NMNAT3: variants seen among roughly 807,000 people sequenced by gnomAD.
The protein encoded by NMNAT3 is nicotinamide nucleotide adenylyltransferase 3.
In NMNAT3, 21 loss-of-function variants were observed where a neutral mutation model predicts 24.8. That is an observed-to-expected ratio of 0.85 (90% CI 0.60 to 1.22). NMNAT3 has a LOEUF of 1.22. NMNAT3 is among the 50% of genes most tolerant of loss of function. The probability of loss-of-function intolerance (pLI) is 0.00; values close to 1 mark genes in which losing one functional copy is unlikely to be tolerated. For synonymous variants in NMNAT3, 136 were observed against 155.2 expected, an observed-to-expected ratio of 0.88 and a Z score of 0.92; for missense variants, 387 against 436.6, an observed-to-expected ratio of 0.89 and a Z score of 1.01.
At position 139,582,268 on chromosome 3, in the gene NMNAT3, G is replaced by T. The variant is rs925694085; in HGVS notation, c.391+659C>A. Among the ~76,000 whole-genome samples, 120 of 149,438 alleles carry T rather than the reference G, an allele frequency of 8.0e-4. 1 individual carries two copies. The highest frequency in any genetic ancestry group is 1.3e-3 in the Non-Finnish European group (89 of 67,444). ...ACAAAAGAGAAGATCTAACTTCTTA[G>T]TAAATGTGTTCACCATTGGGGTGTT... On this transcript the variant is annotated intron_variant, in intron 4 of 6. Coordinates refer to ENST00000643695, the MANE Select transcript of NMNAT3 (RefSeq NM_001320510.2).
chr3:139,629,238 C>T (rs2056186944), intron 2 of NMNAT3, among the ~76,000 whole-genome samples: 1 of 152,128 alleles, frequency 6.6e-6, no homozygotes, highest in Non-Finnish European at 1.5e-5. Context: ...TGCCCATGGG[C>T]CCAGGAAGTG....
At chr3:139,561,418 A>G in intron 6 of NMNAT3, 26 bp from the exon 7 acceptor site, 1 of 1,599,348 alleles carries the variant, frequency 6.3e-7, no homozygotes, top group South Asian at 1.1e-5. Flanking sequence ...TGGACCCAGT[A>G]AAGTTAGAGA....
At chr3:139,610,968 T>A (rs1269151495) in intron 3 of NMNAT3, among the ~76,000 whole-genome samples, 1 of 152,322 alleles carries the variant, frequency 6.6e-6, no homozygotes, top group African/African-American at 2.4e-5. Flanking sequence ...TGCAAGTCAC[T>A]GAGAGGAAAA....
intron 3 of NMNAT3, among the ~76,000 whole-genome samples, chr3:139,613,214 A>C (rs1218196869): frequency 1.3e-5 from 2 of 152,236 alleles, no homozygotes; most frequent in Non-Finnish European, 2.9e-5. Context: ...AGAATGGGAT[A>C]AAATTTTTGC....
chr3:139,620,720 C>CT (rs932857099), intron 3 of NMNAT3, among the ~76,000 whole-genome samples: 104 of 147,894 alleles, frequency 7.0e-4, no homozygotes, highest in Non-Finnish European at 1.2e-3. Flanking sequence ...ACACATTTAA[C>CT]TTTTTTTTTT....
At chr3:139,677,553 G>A (rs1323488747) in intron 1 of NMNAT3, among the ~76,000 whole-genome samples, 152 bp downstream of exon 1, 1 of 152,196 alleles carries the variant, frequency 6.6e-6, no homozygotes, top group African/African-American at 2.4e-5. Context: ...CCCCCGGTTC[G>A]CGCCACCCCG....
intron 1 of NMNAT3, among the ~76,000 whole-genome samples, chr3:139,671,580 C>A (rs2057757299): frequency 6.6e-6 from 1 of 151,746 alleles, no homozygotes; most frequent in Non-Finnish European, 1.5e-5. Flanking sequence ...CAAAACACAA[C>A]ATGAGTAACA....
chr3:139,639,504 G>A (rs6439873), intron 1 of NMNAT3, among the ~76,000 whole-genome samples: 14,113 of 152,146 alleles, frequency 0.093, 1,093 homozygotes, highest in East Asian at 0.23. Flanking sequence ...TCCTTCTTTG[G>A]AGCAAAAGAC....
rs2056114720 is a variant in NMNAT3 at position 139,627,658 on chromosome 3, G to A, written c.67C>T (p.Leu23=). ...TCTCTGGCCACCTCAAACATGCGCA[G>A]GTGCATGTTGGTGATGGGGTTAAAG... The change falls in exon 3 of 7, where the codon CTG becomes TTG. Residue 23 remains leucine, a synonymous_variant. Coordinates refer to ENST00000643695, the MANE Select transcript of NMNAT3 (RefSeq NM_001320510.2). 1 of 1,595,626 alleles carries A rather than the reference G, an allele frequency of 6.3e-7. No homozygotes were observed. Among genetic ancestry groups the A allele is most frequent in the Non-Finnish European group, 8.5e-7 (1 of 1,178,162 alleles).
intron 3 of NMNAT3, among the ~76,000 whole-genome samples, chr3:139,619,980 CA>C (rs2055686724): frequency 6.6e-6 from 1 of 152,094 alleles, no homozygotes; most frequent in Non-Finnish European, 1.5e-5. Flanking sequence ...AATATCCAGC[CA>C]GTCTTCAAAT....
intron 3 of NMNAT3, among the ~76,000 whole-genome samples, chr3:139,615,355 C>G (rs2055435083): frequency 6.6e-6 from 1 of 152,114 alleles, no homozygotes; most frequent in Admixed American, 6.6e-5. Flanking sequence ...TTTCTAGGCT[C>G]TCTCAGCAGA....
intron 3 of NMNAT3, among the ~76,000 whole-genome samples, chr3:139,593,142 A>G (rs2054279712): frequency 1.3e-5 from 2 of 152,166 alleles, no homozygotes; most frequent in African/African-American, 2.4e-5. Flanking sequence ...AAGCAAATGG[A>G]AAACAAAAAA....
chr3:139,666,605 T>G (rs1449105595), intron 1 of NMNAT3, among the ~76,000 whole-genome samples: 2 of 152,214 alleles, frequency 1.3e-5, no homozygotes, highest in Non-Finnish European at 2.9e-5. Flanking sequence ...CCAAATCTCC[T>G]CTTCCTGCAA....
intron 6 of NMNAT3, among the ~76,000 whole-genome samples, chr3:139,562,731 C>A (rs1936594087): frequency 6.6e-6 from 1 of 152,224 alleles, no homozygotes; most frequent in African/African-American, 2.4e-5. Flanking sequence ...CTCAACTGGG[C>A]ACAGGCTGCT....
intron 3 of NMNAT3, among the ~76,000 whole-genome samples, chr3:139,592,780 G>A (rs2054258659): frequency 6.6e-6 from 1 of 152,164 alleles, no homozygotes; most frequent in East Asian, 1.9e-4. Flanking sequence ...GAGAGATTTT[G>A]TCACTACCAG....
Position 139,581,369 on chromosome 3 carries a change from C to CTT in NMNAT3, c.391+1556_391+1557dup, listed in dbSNP as rs34310912. Among the ~76,000 whole-genome samples, 244 of 143,656 alleles carry CTT rather than the reference C, an allele frequency of 1.7e-3. 1 individual carries two copies. Among genetic ancestry groups the CTT allele is most frequent in the African/African-American group, 5.8e-3 (230 of 39,852 alleles). The allele number at this position is 143,656 out of a possible 152,430, so 94.2% of individuals were successfully genotyped here. On this transcript the variant is annotated intron_variant, in intron 4 of 6. Transcript: ENST00000643695. ...CTGTATTTATTATACAGGAGAACAT[C>CTT]TTTTTTTTTTTTTTACACAAGTGTC...
At chr3:139,577,145 GA>G (rs1939444783) in intron 5 of NMNAT3, among the ~76,000 whole-genome samples, 1 of 151,500 alleles carries the variant, frequency 6.6e-6, no homozygotes, top group Non-Finnish European at 1.5e-5. Context: ...AAATTAAAAA[GA>G]AAATGAATGC....
chr3:139,637,400 A>C (rs575510610), intron 2 of NMNAT3: 7 of 152,350 alleles, frequency 4.6e-5, no homozygotes, highest in Admixed American at 4.6e-4. Flanking sequence ...AAATTGCCAC[A>C]TGTCACCTCT....
chr3:139,616,821 C>T (rs556276663), intron 3 of NMNAT3, among the ~76,000 whole-genome samples: 43 of 152,224 alleles, frequency 2.8e-4, no homozygotes, highest in African/African-American at 9.6e-4. Context: ...TATTCTCATC[C>T]TCTCACAGCT....
Sources: gnomAD v4.1 joint callset for allele counts (sites outside exome capture counted in the v4.1 genomes callset) on GRCh38, gnomAD v4.1.1 for gene constraint, MANE v1.5 for transcripts, NCBI Gene and HGNC (gene_info 2026-07-23, HGNC 2026-07-21) for gene names.